The following TOMM70 variants were observed in gnomAD, a reference collection of about 807,000 sequenced individuals.
The protein encoded by TOMM70 is translocase of outer mitochondrial membrane 70, also known as mitochondrial import receptor subunit TOM70.
A neutral mutation model predicts 73.6 loss-of-function variants in TOMM70; 13 were observed. The observed-to-expected ratio is 0.18, with a 90% CI of 0.11 to 0.28. TOMM70 has a LOEUF of 0.28. TOMM70 is among the 10% of genes least tolerant of loss of function. The probability of loss-of-function intolerance (pLI) is 1.00; values close to 1 mark genes in which losing one functional copy is unlikely to be tolerated. For missense variants in TOMM70, 609 were observed against 747.5 expected (o/e 0.81, Z 2.16); for synonymous variants, 257 against 271.2 (o/e 0.95, Z 0.51).
At chr3:100,400,476 T>A in intron 1 of TOMM70, 150 bp downstream of exon 1, 1 of 839,782 alleles carries the variant, frequency 1.2e-6, no homozygotes, top group South Asian at 1.6e-5. Context: ...TGCCCTCCAC[T>A]GGCAGCCAGA....
rs1469859863 is a variant in TOMM70 at position 100,373,518 on chromosome 3, C to T, written c.1335+20G>A. The T allele has an allele frequency of 1.9e-6, 3 of 1,558,786 alleles. No homozygotes were observed. ...AATAAAAGTGATGTTTAGGAAAATA[C>T]AAAAGAAAGTAGTACCTACCAATGC... is the stretch of plus-strand genomic sequence containing the variant. On this transcript the variant is annotated intron_variant, in intron 8 of 11. Coordinates refer to ENST00000284320, the MANE Select transcript of TOMM70 (RefSeq NM_014820.5).
intron 1 of TOMM70, among the ~76,000 whole-genome samples, chr3:100,394,365 C>CTTTTCTTTTCTTTTTTTT (rs769287867): frequency 7.6e-6 from 1 of 131,392 alleles, no homozygotes; most frequent in African/African-American, 2.9e-5. Context: ...GTTACTTTTT[C>CTTTTCTTTTCTTTTTTTT]TTTTTTTTTT....
intron 1 of TOMM70, among the ~76,000 whole-genome samples, chr3:100,398,645 G>C (rs1347822837): frequency 6.6e-6 from 1 of 152,098 alleles, no homozygotes; most frequent in Non-Finnish European, 1.5e-5. Context: ...TGATCATAAT[G>C]AGAATCATCA....
At chr3:100,392,222 T>C (rs1052497758) in intron 1 of TOMM70, among the ~76,000 whole-genome samples, 2 of 152,222 alleles carry the variant, frequency 1.3e-5, no homozygotes, top group African/African-American at 4.8e-5. Context: ...AAGTGATGCA[T>C]GACTATATAT....
chr3:100,385,919 ACTT>A (rs766946879), intron 3 of TOMM70, among the ~76,000 whole-genome samples: 3 of 152,180 alleles, frequency 2.0e-5, no homozygotes, highest in African/African-American at 4.8e-5. Context: ...ACTTGCTAAA[ACTT>A]CTTTTCTGAT....
At chr3:100,397,021 T>C (rs1248461742) in intron 1 of TOMM70, among the ~76,000 whole-genome samples, 1 of 152,242 alleles carries the variant, frequency 6.6e-6, no homozygotes, top group Admixed American at 6.5e-5. Flanking sequence ...TCCATTCTAT[T>C]TTCTGATATC....
At chr3:100,381,037 C>T (rs761157038) in intron 5 of TOMM70, among the ~76,000 whole-genome samples, 6 of 152,050 alleles carry the variant, frequency 3.9e-5, no homozygotes, top group Non-Finnish European at 4.4e-5. Context: ...TTGATAAATA[C>T]GAATGGAATA....
At chr3:100,366,274 C>T (rs1292834221) in intron 11 of TOMM70, among the ~76,000 whole-genome samples, 1 of 152,230 alleles carries the variant, frequency 6.6e-6, no homozygotes, top group Non-Finnish European at 1.5e-5. Flanking sequence ...CTCACACCTA[C>T]TCAATAAATA....
At chr3:100,391,967 T>C (rs1317648680) in intron 1 of TOMM70, among the ~76,000 whole-genome samples, 1 of 152,194 alleles carries the variant, frequency 6.6e-6, no homozygotes, top group Non-Finnish European at 1.5e-5. Context: ...AGGTGTACCA[T>C]TTTTTATCTT....
chr3:100,387,458 C>A (rs11720172), intron 1 of TOMM70, among the ~76,000 whole-genome samples: 6 of 151,714 alleles, frequency 4.0e-5, no homozygotes, highest in Non-Finnish European at 7.4e-5. Flanking sequence ...GCCTGCCCCC[C>A]CAAAAAAGCA....
At chr3:100,369,604 G>A (rs759784725) in intron 9 of TOMM70, among the ~76,000 whole-genome samples, 96 of 151,294 alleles carry the variant, frequency 6.3e-4, no homozygotes, top group Non-Finnish European at 1.2e-3. Flanking sequence ...GGGTTCAAGT[G>A]ATCCCCCTGC....
At chr3:100,375,875 C>T (rs974018204) in intron 6 of TOMM70, among the ~76,000 whole-genome samples, 3 of 152,094 alleles carry the variant, frequency 2.0e-5, no homozygotes, top group African/African-American at 7.2e-5. Context: ...ATTAAATTCT[C>T]TTGGGTATAT....
chr3:100,386,348 T>A lies in TOMM70; in HGVS notation c.499-4A>T. ...GTGCCACTTCTTTCCATTTTTGCTG[T>A]AATTGAAAGTATTTAAAAAAAGTCA... On this transcript the variant is annotated splice_region_variant and splice_polypyrimidine_tract_variant and intron_variant, in intron 2 of 11. Transcript: ENST00000284320. 6.3e-7 allele frequency: 1 copy of A among 1,593,318 alleles called. No homozygotes were observed. The highest frequency in any genetic ancestry group is 8.5e-7 in the Non-Finnish European group (1 of 1,172,004).
At chr3:100,373,441 G>C in intron 8 of TOMM70, 97 bp downstream of exon 8, 1 of 986,096 alleles carries the variant, frequency 1.0e-6, no homozygotes. Flanking sequence ...GGGAAAGAAA[G>C]AAAAAGACGA....
chr3:100,383,044 A>C (rs1432456252), intron 4 of TOMM70, among the ~76,000 whole-genome samples: 1 of 152,194 alleles, frequency 6.6e-6, no homozygotes, highest in Non-Finnish European at 1.5e-5. Flanking sequence ...ACCTATGTAA[A>C]TATACATTAT....
intron 1 of TOMM70, among the ~76,000 whole-genome samples, chr3:100,399,733 C>CTTTTT (rs1706866946): frequency 7.2e-6 from 1 of 139,708 alleles, no homozygotes; most frequent in African/African-American, 2.7e-5. Context: ...AAGTCACTCC[C>CTTTTT]ATTTTTTTTT....
chr3:100,390,955 C>T (rs893424248), intron 1 of TOMM70, among the ~76,000 whole-genome samples: 5 of 150,974 alleles, frequency 3.3e-5, no homozygotes, highest in African/African-American at 1.2e-4. Flanking sequence ...CTGGCTAACA[C>T]GGTGAAACCC....
At chr3:100,384,450 C>A in intron 4 of TOMM70, 29 bp downstream of exon 4, 1 of 1,510,950 alleles carries the variant, frequency 6.6e-7, no homozygotes, top group South Asian at 1.2e-5. Flanking sequence ...ACACAGTACT[C>A]CCCCATTCCC....
Position 100,373,623 on chromosome 3 carries a change from A to T in TOMM70, c.1250T>A (p.Val417Asp). ...RGQLKILLDQ[V>D]EEAVADFDEC... ...ATCAAAATCTGCCACTGCTTCTTCA[A>T]CTTGATCAAGGAGTATTTTCAGCTA... Residue 417 changes from valine (V) to aspartate (D), a missense_variant, in exon 8 of 12, where the codon GTT becomes GAT. Transcript: ENST00000284320. 1 of 1,612,834 alleles carries T rather than the reference A, an allele frequency of 6.2e-7. No individual in the cohort carries two copies. The highest frequency in any genetic ancestry group is 8.5e-7 in the Non-Finnish European group (1 of 1,179,412).
Sources: gnomAD v4.1 joint callset for allele counts (sites outside exome capture counted in the v4.1 genomes callset) on GRCh38, gnomAD v4.1.1 for gene constraint, MANE v1.5 for transcripts, NCBI Gene and HGNC (gene_info 2026-07-23, HGNC 2026-07-21) for gene names.